Variants in CARMIL1 observed in about 807,000 individuals in gnomAD.
The protein encoded by CARMIL1 is F-actin-uncapping protein LRRC16A.
In CARMIL1, 90 loss-of-function variants were observed where a neutral mutation model predicts 177.1. The ratio of observed to expected loss-of-function variants is 0.51; its 90% CI spans 0.43 to 0.61. The LOEUF (loss-of-function observed/expected upper bound fraction) is 0.61. CARMIL1 is among the 20% of genes least tolerant of loss of function. The pLI is 0.00. For synonymous variants in CARMIL1, 577 were observed against 606.2 expected, an observed-to-expected ratio of 0.95 and a Z score of 0.71; for missense variants, 1,380 against 1,667.0, an observed-to-expected ratio of 0.83 and a Z score of 3.00.
intron 2 of CARMIL1, among the ~76,000 whole-genome samples, chr6:25,293,100 CT>C (rs200809173): frequency 0.048 from 6,883 of 143,534 alleles, 388 homozygotes; most frequent in African/African-American, 0.14. Flanking sequence ...TTCTAAAATG[CT>C]TTTTTTTTTT....
rs1354690822 is a variant in CARMIL1, at chr6:25,359,281, T to G, written c.139-60833T>G. Among the ~76,000 whole-genome samples the G allele has an allele frequency of 2.0e-5, 3 of 152,238 alleles. No homozygotes were observed. The East Asian group carries it at 5.8e-4, about 29-fold the overall frequency. On this transcript the variant is annotated intron_variant, in intron 2 of 36. Transcript: ENST00000329474. The stretch of plus-strand genomic sequence containing the variant: ...CAGCCCTGCCGTTGGAACTCTTTAA[T>G]GTGCTTTTCAGTGAGCTAGTGTTTC...
At chr6:25,576,850 T>C (rs1019886050) in intron 29 of CARMIL1, 2 of 308,262 alleles carry the variant, frequency 6.5e-6, no homozygotes, top group African/African-American at 2.3e-5. Context: ...GAAGGCTTTT[T>C]ATGTGTTTTA....
chr6:25,581,483 T>C, intron 31 of CARMIL1, 44 bp downstream of exon 31: 1 of 1,526,332 alleles, frequency 6.6e-7, no homozygotes, highest in Non-Finnish European at 8.8e-7. Context: ...CACACCCTTT[T>C]CTTCTCTGGG....
chr6:25,376,134 G>T (rs571060102), intron 2 of CARMIL1, among the ~76,000 whole-genome samples: 2 of 152,318 alleles, frequency 1.3e-5, no homozygotes, highest in Non-Finnish European at 2.9e-5. Flanking sequence ...AGGCTGGAGT[G>T]CAATGGCACG....
chr6:25,516,516 C>T (rs1002774859), intron 21 of CARMIL1, among the ~76,000 whole-genome samples: 1 of 152,118 alleles, frequency 6.6e-6, no homozygotes, highest in African/African-American at 2.4e-5. Context: ...TATTCTCCGG[C>T]ATAAAAGTCT....
intron 2 of CARMIL1, among the ~76,000 whole-genome samples, chr6:25,384,629 A>G (rs76549985): frequency 0.033 from 5,024 of 152,254 alleles, 107 homozygotes; most frequent in Non-Finnish European, 0.048. Flanking sequence ...AAACATTGCT[A>G]TTTTTAGATT....
At chr6:25,362,544 C>T (rs987183227) in intron 2 of CARMIL1, among the ~76,000 whole-genome samples, 3 of 152,134 alleles carry the variant, frequency 2.0e-5, no homozygotes, top group Admixed American at 6.5e-5. Flanking sequence ...CATGGTGGCA[C>T]ATGCCTGTAA....
chr6:25,606,692 A>G (rs536256791), intron 35 of CARMIL1, among the ~76,000 whole-genome samples: 60 of 152,344 alleles, frequency 3.9e-4, no homozygotes, highest in Non-Finnish European at 7.8e-4. Context: ...TGTGGTGTTT[A>G]TGCCATATTC....
chr6:25,347,176 G>T (rs141714496), intron 2 of CARMIL1, among the ~76,000 whole-genome samples: 3,628 of 152,280 alleles, frequency 0.024, 65 homozygotes, highest in South Asian at 0.049. Context: ...AGCATTCCAT[G>T]CCAAAGCTTT....
intron 2 of CARMIL1, among the ~76,000 whole-genome samples, chr6:25,302,479 T>G (rs958570461): frequency 2.0e-5 from 3 of 152,222 alleles, no homozygotes; most frequent in Non-Finnish European, 4.4e-5. Context: ...TGTAAACTAC[T>G]CGAGAGTCCA....
chr6:25,282,385 T>C (rs2744275), intron 1 of CARMIL1, among the ~76,000 whole-genome samples: 15 of 152,210 alleles, frequency 9.9e-5, no homozygotes, highest in African/African-American at 3.6e-4. Context: ...GAAGAACTCA[T>C]AGTGCAGTGA....
chr6:25,322,089 GCT>G (rs1350840460), intron 2 of CARMIL1, among the ~76,000 whole-genome samples: 1 of 151,872 alleles, frequency 6.6e-6, no homozygotes, highest in African/African-American at 2.4e-5. Context: ...ACCATGCCTG[GCT>G]CTCTTTCAGT....
rs146012165 is a variant in CARMIL1 at position 25,419,806 on chromosome 6, T to G, written c.139-308T>G. On this transcript the variant is annotated intron_variant, in intron 2 of 36. Coordinates refer to ENST00000329474, the MANE Select transcript of CARMIL1 (RefSeq NM_017640.6). The stretch of plus-strand genomic sequence containing the variant: ...ACTTGTGACTATGTATCTTATGCAT[T>G]TTAGTATCACAGAGACCTGTTTTAC... Among the ~76,000 whole-genome samples the G allele has an allele frequency of 2.0e-4, 31 of 152,336 alleles. No homozygotes were observed. The East Asian group carries it at 5.0e-3, about 25-fold the overall frequency.
At chr6:25,422,243 C>T (rs906468595) in intron 3 of CARMIL1, among the ~76,000 whole-genome samples, 5 of 152,060 alleles carry the variant, frequency 3.3e-5, no homozygotes, top group African/African-American at 4.8e-5. Context: ...ATGTTTGGGC[C>T]GCAGTGTTAT....
intron 2 of CARMIL1, among the ~76,000 whole-genome samples, chr6:25,367,203 A>AGG (rs963569569): frequency 6.6e-6 from 1 of 152,110 alleles, no homozygotes; most frequent in African/African-American, 2.4e-5. Context: ...TTTTGGTGGA[A>AGG]GGGGGATCTG....
intron 2 of CARMIL1, among the ~76,000 whole-genome samples, chr6:25,413,537 A>G (rs1295917484): frequency 6.6e-6 from 1 of 152,224 alleles, no homozygotes; most frequent in Non-Finnish European, 1.5e-5. Flanking sequence ...TCTCTGCTAA[A>G]CTGTGAGTCT....
At chr6:25,366,739 G>T (rs1376000759) in intron 2 of CARMIL1, among the ~76,000 whole-genome samples, 1 of 151,884 alleles carries the variant, frequency 6.6e-6, no homozygotes, top group East Asian at 1.9e-4. Context: ...GGACACAAGA[G>T]AATAATCATG....
intron 29 of CARMIL1, 104 bp downstream of exon 29, chr6:25,556,954 A>T: frequency 3.5e-6 from 4 of 1,156,944 alleles, no homozygotes; most frequent in Non-Finnish European, 2.5e-6. Context: ...ACCAAACAAA[A>T]CACTGTCCCC....
chr6:25,546,719 A>C (rs1475007556), intron 26 of CARMIL1, among the ~76,000 whole-genome samples: 3 of 151,634 alleles, frequency 2.0e-5, no homozygotes, highest in Non-Finnish European at 4.4e-5. Context: ...AGCAACAACT[A>C]GTTAGAAAAT....
Sources: gnomAD v4.1 joint callset for allele counts (sites outside exome capture counted in the v4.1 genomes callset) on GRCh38, gnomAD v4.1.1 for gene constraint, MANE v1.5 for transcripts, NCBI Gene and HGNC (gene_info 2026-07-23, HGNC 2026-07-21) for gene names.